PHIP: variants seen among roughly 807,000 people sequenced by gnomAD.
PHIP encodes PHIP subunit of CUL4-Ring ligase complex, also known as PH-interacting protein.
PHIP carries 54 observed loss-of-function variants against 236.8 expected under a neutral mutation model. The ratio of observed to expected loss-of-function variants is 0.23; its 90% CI spans 0.18 to 0.29. The LOEUF (loss-of-function observed/expected upper bound fraction) is 0.29, where lower values mean the gene tolerates loss of function less well. Ranked by LOEUF, PHIP falls within the 10% of genes least tolerant of loss-of-function variation. The pLI is 1.00. For synonymous variants in PHIP, 756 were observed against 718.9 expected (o/e 1.05, Z -0.83); for missense variants, 1,370 against 2,190.8 (o/e 0.63, Z 7.48).
chr6:79,019,201 A>T, intron 9 of PHIP, 42 bp from the exon 10 acceptor site: 3 of 1,347,726 alleles, frequency 2.2e-6, no homozygotes, highest in Non-Finnish European at 3.2e-6. Flanking sequence ...TCCTAAAGGA[A>T]CCAGTAGCAG....
chr6:78,943,534 T>C (rs1773619720), intron 39 of PHIP, among the ~76,000 whole-genome samples: 1 of 152,206 alleles, frequency 6.6e-6, no homozygotes, highest in Admixed American at 6.5e-5. Context: ...AGCATTTTGG[T>C]TATTCAAACA....
intron 25 of PHIP, 142 bp from the exon 26 acceptor site, chr6:78,970,315 C>A: frequency 3.1e-6 from 2 of 650,130 alleles, no homozygotes; most frequent in South Asian, 2.2e-5. Flanking sequence ...ATTCACTGAG[C>A]TCTGTATTAA....
At chr6:79,071,227 A>C (rs958819135) in intron 4 of PHIP, among the ~76,000 whole-genome samples, 2 of 152,234 alleles carry the variant, frequency 1.3e-5, no homozygotes, top group Non-Finnish European at 2.9e-5. Flanking sequence ...CCTTCTCTGT[A>C]GTAACTTGTC....
intron 4 of PHIP, among the ~76,000 whole-genome samples, chr6:79,061,454 C>T (rs1398221558): frequency 6.6e-6 from 1 of 151,990 alleles, no homozygotes; most frequent in Non-Finnish European, 1.5e-5. Flanking sequence ...CCACAGGACA[C>T]ATAACATGTG....
intron 31 of PHIP, among the ~76,000 whole-genome samples, chr6:78,960,513 T>C (rs1258798949): frequency 1.3e-5 from 2 of 151,856 alleles, no homozygotes; most frequent in African/African-American, 2.4e-5. Flanking sequence ...TGAAGAATGC[T>C]TTGAGGGTGG....
chr6:79,054,875 T>C (rs1772994793), intron 6 of PHIP, among the ~76,000 whole-genome samples: 1 of 151,976 alleles, frequency 6.6e-6, no homozygotes. Flanking sequence ...AAGTGACTGT[T>C]TGCTGTCTTT....
intron 24 of PHIP, among the ~76,000 whole-genome samples, chr6:78,975,507 A>T (rs1767985879): frequency 6.6e-6 from 1 of 152,132 alleles, no homozygotes; most frequent in African/African-American, 2.4e-5. Flanking sequence ...CAACATAGTG[A>T]TGGAAGTTCT....
chr6:78,959,182 A>C (rs1319000431), intron 31 of PHIP, among the ~76,000 whole-genome samples: 1 of 152,148 alleles, frequency 6.6e-6, no homozygotes, highest in Non-Finnish European at 1.5e-5. Context: ...GGAGTTTTAC[A>C]ATTTTATTTC....
rs530932944 is a variant in PHIP at position 78,982,701 on chromosome 6, TA to T, written c.2769+184del. ...TAAGTAAATACTTTTACATGTTAAA[TA>T]TCTAAAAACTCGAATAAACTAAATA... On this transcript the variant is annotated intron_variant, in intron 23 of 39. Transcript: ENST00000275034. Among the ~76,000 whole-genome samples the T allele has an allele frequency of 3.3e-5, 5 of 152,246 alleles. No homozygotes were observed. The East Asian group carries it at 9.6e-4, about 29-fold the overall frequency.
At chr6:79,054,827 A>G (rs2127768333) in intron 6 of PHIP, among the ~76,000 whole-genome samples, 1 of 152,150 alleles carries the variant, frequency 6.6e-6, no homozygotes, top group African/African-American at 2.4e-5. Context: ...CAAGGTGAGA[A>G]AGAAGAGTCT....
intron 27 of PHIP, among the ~76,000 whole-genome samples, chr6:78,967,256 T>G (rs1046836797): frequency 2.0e-5 from 3 of 152,154 alleles, no homozygotes; most frequent in African/African-American, 7.2e-5. Flanking sequence ...CTGTTGACAG[T>G]TGTTCCTCAG....
chr6:79,008,577 A>T (rs1461608270), intron 15 of PHIP, among the ~76,000 whole-genome samples: 1 of 111,636 alleles, frequency 9.0e-6, no homozygotes, highest in Non-Finnish European at 2.1e-5. Context: ...CTTCCTTGAC[A>T]CACCCTCTTA....
chr6:79,021,192 G>C (rs1262860430), intron 9 of PHIP, among the ~76,000 whole-genome samples: 1 of 152,072 alleles, frequency 6.6e-6, no homozygotes, highest in Non-Finnish European at 1.5e-5. Context: ...TGTCACCCAG[G>C]GTGAAATGCA....
At chr6:79,005,256 A>C (rs769491981) in intron 15 of PHIP, among the ~76,000 whole-genome samples, 3 of 152,024 alleles carry the variant, frequency 2.0e-5, no homozygotes, top group Non-Finnish European at 2.9e-5. Context: ...ATAAGATAGG[A>C]GAAGAAGGTA....
intron 6 of PHIP, among the ~76,000 whole-genome samples, chr6:79,052,923 T>C (rs1020154411): frequency 6.6e-6 from 1 of 152,160 alleles, no homozygotes; most frequent in Non-Finnish European, 1.5e-5. Context: ...TGACATAAAG[T>C]TAAAAGCATA....
At chr6:79,029,028 T>C (rs1284914387) in intron 7 of PHIP, among the ~76,000 whole-genome samples, 1 of 152,248 alleles carries the variant, frequency 6.6e-6, no homozygotes, top group Admixed American at 6.5e-5. Context: ...TATCATTTAG[T>C]TATCTTACCA....
chr6:78,942,495 A>C (rs147280011), intron 39 of PHIP, among the ~76,000 whole-genome samples: 244 of 152,276 alleles, frequency 1.6e-3, no homozygotes, highest in African/African-American at 5.5e-3. Flanking sequence ...AAAACAAAAC[A>C]AAACAAAACA....
chr6:79,045,321 T>C (rs955221150), intron 6 of PHIP, among the ~76,000 whole-genome samples: 2 of 152,114 alleles, frequency 1.3e-5, no homozygotes, highest in East Asian at 1.9e-4. Flanking sequence ...ACTGAAGAGG[T>C]TGAATTTGAG....
chr6:79,023,845 T>C (rs1472504919), intron 9 of PHIP, among the ~76,000 whole-genome samples: 2 of 152,182 alleles, frequency 1.3e-5, no homozygotes, highest in African/African-American at 2.4e-5. Context: ...CTGTAAAACA[T>C]TTTCTGTTCC....
Sources: allele counts gnomAD v4.1 joint callset (sites outside exome capture counted in the v4.1 genomes callset), GRCh38; gene constraint gnomAD v4.1.1; transcripts MANE v1.5; gene names NCBI Gene and HGNC (gene_info 2026-07-23, HGNC 2026-07-21).